EXOC6B: variants seen among roughly 807,000 people sequenced by gnomAD.
The protein encoded by EXOC6B is SEC15 homolog B.
In EXOC6B, 54 loss-of-function variants were observed where a neutral mutation model predicts 113.5. That is an observed-to-expected ratio of 0.48 (90% CI 0.38 to 0.60). The LOEUF is 0.60. EXOC6B is among the 20% of genes least tolerant of loss of function. The probability of loss-of-function intolerance (pLI) is 0.00; values close to 1 mark genes in which losing one functional copy is unlikely to be tolerated. For missense variants in EXOC6B, 797 were observed against 977.5 expected (o/e 0.82, Z 2.46); for synonymous variants, 357 against 339.0 (o/e 1.05, Z -0.58).
chr2:72,345,765 A>G (rs1689291934), intron 19 of EXOC6B, among the ~76,000 whole-genome samples: 1 of 152,184 alleles, frequency 6.6e-6, no homozygotes, highest in Non-Finnish European at 1.5e-5. Context: ...TCATGTTACT[A>G]TATATTTGTC....
intron 16 of EXOC6B, 63 bp downstream of exon 16, chr2:72,492,255 G>C: frequency 7.7e-6 from 7 of 908,396 alleles, no homozygotes; most frequent in Non-Finnish European, 1.2e-5. Flanking sequence ...CAGACATAAG[G>C]CCCAGAGCTT....
At chr2:72,461,432 T>A (rs1477808181) in intron 18 of EXOC6B, 1 of 151,774 alleles carries the variant, frequency 6.6e-6, no homozygotes, top group Non-Finnish European at 1.5e-5. Flanking sequence ...TATAGATATT[T>A]AATTTGTGTA....
intron 1 of EXOC6B, among the ~76,000 whole-genome samples, chr2:72,780,820 C>T (rs931703797): frequency 6.6e-6 from 1 of 152,074 alleles, no homozygotes; most frequent in Admixed American, 6.5e-5. Context: ...AATGGTATTT[C>T]CTCCCCGTGT....
chr2:72,473,102 G>A (rs565244874), intron 17 of EXOC6B, among the ~76,000 whole-genome samples: 37 of 152,144 alleles, frequency 2.4e-4, no homozygotes, highest in Non-Finnish European at 4.6e-4. Context: ...TTAATATATG[G>A]TCTATCTTGG....
chr2:72,779,273 C>CT (rs1226031489), intron 1 of EXOC6B, among the ~76,000 whole-genome samples: 1 of 151,620 alleles, frequency 6.6e-6, no homozygotes, highest in East Asian at 1.9e-4. Flanking sequence ...ATCCATTTCT[C>CT]TATCTGCCAC....
At chr2:72,745,446 T>C (rs575078134) in intron 1 of EXOC6B, among the ~76,000 whole-genome samples, 10 of 152,102 alleles carry the variant, frequency 6.6e-5, no homozygotes, top group African/African-American at 1.2e-4. Context: ...CCAGAGTATT[T>C]TGAGAATTAA....
At chr2:72,483,341 T>C (rs1160743379) in intron 16 of EXOC6B, among the ~76,000 whole-genome samples, 3 of 152,196 alleles carry the variant, frequency 2.0e-5, no homozygotes, top group Admixed American at 6.5e-5. Context: ...GTATTACCTA[T>C]GGAAACACAT....
chr2:72,335,754 T>G (rs1288978490), intron 19 of EXOC6B, among the ~76,000 whole-genome samples: 1 of 152,154 alleles, frequency 6.6e-6, no homozygotes, highest in African/African-American at 2.4e-5. Flanking sequence ...CCTTGACTTC[T>G]ACTTCCATTC....
At chr2:72,768,584 C>T (rs1036522529) in intron 1 of EXOC6B, among the ~76,000 whole-genome samples, 8 of 149,486 alleles carry the variant, frequency 5.4e-5, no homozygotes, top group African/African-American at 2.0e-4. Flanking sequence ...GGATTAGAGG[C>T]GTGAGACACT....
intron 20 of EXOC6B, among the ~76,000 whole-genome samples, chr2:72,263,642 A>G (rs186234647): frequency 1.5e-3 from 233 of 152,356 alleles, no homozygotes; most frequent in African/African-American, 5.4e-3. Context: ...AGGTTGAATA[A>G]AGCAATTCTA....
At chr2:72,433,745 C>T (rs544728651) in intron 18 of EXOC6B, among the ~76,000 whole-genome samples, 1 of 152,252 alleles carries the variant, frequency 6.6e-6, no homozygotes, top group Admixed American at 6.5e-5. Flanking sequence ...GTGATTTTTG[C>T]ACATTGATTT....
At chr2:72,317,147 T>A (rs1687561599) in intron 20 of EXOC6B, among the ~76,000 whole-genome samples, 1 of 143,386 alleles carries the variant, frequency 7.0e-6, no homozygotes, top group South Asian at 2.1e-4. Flanking sequence ...ACCATGATAA[T>A]TGTGGTTTGT....
At chr2:72,480,895 G>A (rs976235846) in intron 16 of EXOC6B, 145 bp from the exon 17 acceptor site, 1 of 783,258 alleles carries the variant, frequency 1.3e-6, no homozygotes, top group East Asian at 2.7e-5. Context: ...TTAAAGCATG[G>A]GCTTTCATGT....
At chr2:72,224,965 T>C (rs1681124396) in intron 20 of EXOC6B, among the ~76,000 whole-genome samples, 1 of 150,680 alleles carries the variant, frequency 6.6e-6, no homozygotes, top group Non-Finnish European at 1.5e-5. Flanking sequence ...TGTATGTGTA[T>C]ATACATCTCT....
intron 6 of EXOC6B, among the ~76,000 whole-genome samples, chr2:72,659,856 C>T (rs1210362474): frequency 6.6e-6 from 1 of 152,078 alleles, no homozygotes; most frequent in East Asian, 1.9e-4. Flanking sequence ...TTAAAAGAAT[C>T]ATTTTTATGT....
At chr2:72,814,574 C>T (rs1175250995) in intron 1 of EXOC6B, among the ~76,000 whole-genome samples, 1 of 152,226 alleles carries the variant, frequency 6.6e-6, no homozygotes, top group African/African-American at 2.4e-5. Context: ...TTAAATGTTT[C>T]ACTGCGTAAT....
At chr2:72,637,499 CAT>C (rs975119498) in intron 6 of EXOC6B, among the ~76,000 whole-genome samples, 1 of 151,070 alleles carries the variant, frequency 6.6e-6, no homozygotes, top group Non-Finnish European at 1.5e-5. Flanking sequence ...CCAAAGGTCT[CAT>C]AGTCTGGCCA....
chr2:72,209,162 G>C (rs566013093), intron 20 of EXOC6B, among the ~76,000 whole-genome samples: 40 of 146,484 alleles, frequency 2.7e-4, no homozygotes, highest in African/African-American at 1.0e-3. Flanking sequence ...GGCAGAGGTT[G>C]TGGTGAGCTG....
At chr2:72,700,633 G>A (rs1176926881) in intron 6 of EXOC6B, among the ~76,000 whole-genome samples, 1 of 152,184 alleles carries the variant, frequency 6.6e-6, no homozygotes, top group African/African-American at 2.4e-5. Flanking sequence ...ACAACCATGT[G>A]AATGTTCTTA....
Sources: allele counts gnomAD v4.1 joint callset (sites outside exome capture counted in the v4.1 genomes callset), GRCh38; gene constraint gnomAD v4.1.1; transcripts MANE v1.5; gene names NCBI Gene and HGNC (gene_info 2026-07-23, HGNC 2026-07-21).